The following TYW1 variants were observed in gnomAD, a reference collection of about 807,000 sequenced individuals.
The protein encoded by TYW1 is S-adenosyl-L-methionine-dependent tRNA 4-demethylwyosine synthase TYW1.
A neutral mutation model predicts 96.2 loss-of-function variants in TYW1; 46 were observed. The observed-to-expected ratio is 0.48, with a 90% CI of 0.38 to 0.61. The LOEUF is 0.61. Among genes scored for constraint, TYW1 ranks in the 20% least tolerant of loss-of-function variants. The pLI, the probability that TYW1 is intolerant of heterozygous loss-of-function variation, is 0.00. For synonymous variants in TYW1, 274 were observed against 323.0 expected, an observed-to-expected ratio of 0.85 and a Z score of 1.63; for missense variants, 684 against 909.6, an observed-to-expected ratio of 0.75 and a Z score of 3.19.
intron 13 of TYW1, among the ~76,000 whole-genome samples, chr7:67,154,214 G>A (rs1042355022): frequency 1.3e-4 from 20 of 152,238 alleles, no homozygotes; most frequent in East Asian, 3.9e-4. Flanking sequence ...GAGCCACCGC[G>A]CCTGGCCCAT....
intron 12 of TYW1, among the ~76,000 whole-genome samples, chr7:67,109,178 G>T (rs533199082): frequency 1.6e-3 from 237 of 150,856 alleles, no homozygotes; most frequent in Non-Finnish European, 2.6e-3. Context: ...GGAGGCTGAG[G>T]CAGGAGAATG....
intron 8 of TYW1, among the ~76,000 whole-genome samples, chr7:67,054,121 C>A (rs1047239616): frequency 6.6e-6 from 1 of 152,114 alleles, no homozygotes; most frequent in Non-Finnish European, 1.5e-5. Flanking sequence ...ATATTTTGTC[C>A]ATTTTTTGGT....
intron 13 of TYW1, among the ~76,000 whole-genome samples, chr7:67,160,410 T>C (rs1799125036): frequency 6.6e-6 from 1 of 152,196 alleles, no homozygotes; most frequent in African/African-American, 2.4e-5. Context: ...CAATTTCTAT[T>C]CTTTTTGAAG....
chr7:67,082,622 C>T (rs1439545320), intron 10 of TYW1, among the ~76,000 whole-genome samples: 1 of 151,984 alleles, frequency 6.6e-6, no homozygotes, highest in Admixed American at 6.6e-5. Context: ...CTGAAGGGCA[C>T]ATGGTAGTTC....
At chr7:67,032,519 G>A (rs1435134966) in intron 7 of TYW1, among the ~76,000 whole-genome samples, 1 of 152,160 alleles carries the variant, frequency 6.6e-6, no homozygotes, top group African/African-American at 2.4e-5. Context: ...TACTCGGGAG[G>A]CTGAGGTAGG....
chr7:67,038,400 G>GT (rs1794904837), intron 7 of TYW1, among the ~76,000 whole-genome samples: 1 of 152,038 alleles, frequency 6.6e-6, no homozygotes, highest in South Asian at 2.1e-4. Flanking sequence ...GACCCCTGGA[G>GT]TTTGAGACCA....
chr7:67,081,215 G>A (rs1563002451), intron 10 of TYW1, among the ~76,000 whole-genome samples: 1 of 136,732 alleles, frequency 7.3e-6, no homozygotes, highest in African/African-American at 2.8e-5. Flanking sequence ...GTTTTGCTTG[G>A]TGGTCTTTTT....
intron 3 of TYW1, among the ~76,000 whole-genome samples, chr7:67,002,637 C>A (rs1363274569): frequency 6.7e-6 from 1 of 148,224 alleles, no homozygotes; most frequent in Non-Finnish European, 1.5e-5. Flanking sequence ...AGCTATTGTT[C>A]TGTATACTTG....
Position 67,028,452 on chromosome 7 carries a change from G to C in TYW1, c.984+3430G>C, listed in dbSNP as rs144449095. Among the ~76,000 whole-genome samples the C allele has an allele frequency of 9.6e-4, 146 of 152,228 alleles. No individual in the cohort carries two copies. In the East Asian group the frequency reaches 0.011, roughly 11 times the overall value. On this transcript the variant is annotated intron_variant, in intron 7 of 15. Coordinates refer to ENST00000359626, the MANE Select transcript of TYW1 (RefSeq NM_018264.4). ...ATTCCAGCTGACCAAAAACCTAGTAGAAAAAGTTGGCAAAACACACGAATA... is the reference window on the plus strand; with the variant it reads ...ATTCCAGCTGACCAAAAACCTAGTACAAAAAGTTGGCAAAACACACGAATA...
intron 14 of TYW1, among the ~76,000 whole-genome samples, chr7:67,190,614 T>C (rs1359134924): frequency 4.6e-5 from 7 of 152,234 alleles, no homozygotes; most frequent in Admixed American, 4.6e-4. Context: ...TACTTGTGCA[T>C]ATGGCCAAAG....
chr7:67,071,595 G>A (rs1425392244), intron 10 of TYW1, among the ~76,000 whole-genome samples: 1 of 151,550 alleles, frequency 6.6e-6, no homozygotes, highest in Non-Finnish European at 1.5e-5. Context: ...TAGGATTACA[G>A]GTGTGTGCTA....
rs903895648 is a variant in TYW1 at position 67,150,794 on chromosome 7, CCT to C, written c.1699-32331_1699-32330del. 1.4e-4 allele frequency among the ~76,000 whole-genome samples: 21 copies of C among 150,218 alleles called. No individual in the cohort carries two copies. In the East Asian group the frequency reaches 2.7e-3, roughly 19 times the overall value. On this transcript the variant is annotated intron_variant, in intron 13 of 15. Transcript: ENST00000359626. ...TACAGGCCTTGTCTTTTTTTTCCCCCCTGTCTGACCCATGACTGAGCTATTGA... is the reference window on the plus strand; with the variant it reads ...TACAGGCCTTGTCTTTTTTTTCCCCCGTCTGACCCATGACTGAGCTATTGA...
At chr7:67,026,735 C>A (rs1313558532) in intron 7 of TYW1, among the ~76,000 whole-genome samples, 1 of 151,722 alleles carries the variant, frequency 6.6e-6, no homozygotes, top group Non-Finnish European at 1.5e-5. Context: ...TCTGTCAAGA[C>A]TCCCACATAT....
chr7:67,133,103 A>G (rs1416217405), intron 13 of TYW1, among the ~76,000 whole-genome samples: 6 of 152,104 alleles, frequency 3.9e-5, no homozygotes, highest in Admixed American at 3.3e-4. Context: ...TCTATTTTCT[A>G]TCCTCACGAA....
chr7:67,039,413 C>A (rs28393725), intron 7 of TYW1, among the ~76,000 whole-genome samples: 3 of 150,556 alleles, frequency 2.0e-5, no homozygotes, highest in Non-Finnish European at 4.4e-5. Flanking sequence ...AGCCGAGATC[C>A]CGCCACTGCA....
rs1796671411 is a variant in TYW1 at position 67,090,217 on chromosome 7, TAATTTATGAAAA to T, written c.1384+6680_1384+6691del. Among the ~76,000 whole-genome samples, 4 of 152,166 alleles carry T rather than the reference TAATTTATGAAAA, an allele frequency of 2.6e-5. No homozygotes were observed. The South Asian group carries it at 8.3e-4, about 32-fold the overall frequency. On this transcript the variant is annotated intron_variant, in intron 11 of 15. Transcript: ENST00000359626. The stretch of plus-strand genomic sequence containing the variant: ...CCACCTGTTAATTGTTTTCAGAAAC[TAATTTATGAAAA>T]ACCTCAAGTGGAGTATCTATATCAA...
chr7:67,058,020 T>A (rs1795578589), intron 9 of TYW1, among the ~76,000 whole-genome samples: 1 of 152,000 alleles, frequency 6.6e-6, no homozygotes, highest in South Asian at 2.1e-4. Flanking sequence ...CTGCAAGCTC[T>A]GCCTCCCGGG....
intron 13 of TYW1, among the ~76,000 whole-genome samples, chr7:67,130,716 A>G (rs1798046195): frequency 1.3e-5 from 2 of 151,682 alleles, no homozygotes; most frequent in Non-Finnish European, 2.9e-5. Context: ...ACACTCCAAC[A>G]CTCTTCTTAC....
At chr7:67,090,628 T>G (rs756432244) in intron 11 of TYW1, among the ~76,000 whole-genome samples, 28 of 152,246 alleles carry the variant, frequency 1.8e-4, no homozygotes, top group Non-Finnish European at 3.5e-4. Flanking sequence ...AAGCAGAGTT[T>G]AGTTGTGAAA....
Sources: gnomAD v4.1 joint callset for allele counts (sites outside exome capture counted in the v4.1 genomes callset) on GRCh38, gnomAD v4.1.1 for gene constraint, MANE v1.5 for transcripts, NCBI Gene and HGNC (gene_info 2026-07-23, HGNC 2026-07-21) for gene names.